FBXL2: variants seen among roughly 807,000 people sequenced by gnomAD.
The protein encoded by FBXL2 is F-box/LRR-repeat protein 2.
A neutral mutation model predicts 69.2 loss-of-function variants in FBXL2; 38 were observed. That is an observed-to-expected ratio of 0.55 (90% CI 0.42 to 0.72). FBXL2 has a LOEUF of 0.72. FBXL2 is among the 30% of genes least tolerant of loss of function. The pLI is 0.00. For missense variants in FBXL2, 354 were observed against 520.3 expected, an observed-to-expected ratio of 0.68 and a Z score of 3.11; for synonymous variants, 192 against 201.3, an observed-to-expected ratio of 0.95 and a Z score of 0.39.
At chr3:33,336,728 A>G (rs1459483362) in intron 2 of FBXL2, among the ~76,000 whole-genome samples, 1 of 151,250 alleles carries the variant, frequency 6.6e-6, no homozygotes, top group Non-Finnish European at 1.5e-5. Context: ...AATATGGTGA[A>G]ACTCCATCTC....
chr3:33,312,122 T>A (rs1475276363), intron 2 of FBXL2, among the ~76,000 whole-genome samples: 1 of 152,070 alleles, frequency 6.6e-6, no homozygotes. Flanking sequence ...AATGGTGCAA[T>A]CATAGCTCAC....
At chr3:33,397,003 G>C (rs772560747) in intron 12 of FBXL2, 4 of 1,551,714 alleles carry the variant, frequency 2.6e-6, no homozygotes, top group Non-Finnish European at 2.7e-6. Flanking sequence ...CGCGAAGAAA[G>C]GTACATTCTT....
chr3:33,400,993 T>C, intron 12 of FBXL2: 1 of 1,593,700 alleles, frequency 6.3e-7, no homozygotes, highest in African/African-American at 1.4e-5. Context: ...TCCATCTCCC[T>C]GATGATTTGG....
rs374772136 is a variant in FBXL2, at chr3:33,312,041, C to T, written c.65+14316C>T. Among the ~76,000 whole-genome samples the T allele has an allele frequency of 2.0e-5, 3 of 152,170 alleles. No homozygotes were observed. In the East Asian group the frequency reaches 5.8e-4, roughly 29 times the overall value. On this transcript the variant is annotated intron_variant, in intron 2 of 14. Coordinates refer to ENST00000484457, the MANE Select transcript of FBXL2 (RefSeq NM_012157.5). ...CAGTGAGCTATGCAATATAGATAGA[C>T]AACTATTTTTTATTCTTTTTTTATT...
the FBXL2 span, chr3:33,411,779 G>T: frequency 9.7e-7 from 1 of 1,029,252 alleles, no homozygotes; most frequent in Non-Finnish European, 1.5e-6. Context: ...TGAAATAACT[G>T]TAACTGCTTT....
intron 1 of FBXL2, among the ~76,000 whole-genome samples, chr3:33,297,248 T>C (rs2125714362): frequency 6.6e-6 from 1 of 152,334 alleles, no homozygotes; most frequent in East Asian, 1.9e-4. Context: ...CTATATTGTA[T>C]ATTTATGTGT....
intron 5 of FBXL2, among the ~76,000 whole-genome samples, chr3:33,366,696 G>A (rs1006368414): frequency 1.3e-5 from 2 of 152,118 alleles, no homozygotes; most frequent in African/African-American, 4.8e-5. Context: ...TGGGTGCGGT[G>A]GCTCATGCCT....
downstream of FBXL2, among the ~76,000 whole-genome samples, chr3:33,406,420 C>T (rs1441157625): frequency 6.6e-6 from 1 of 152,170 alleles, no homozygotes; most frequent in Admixed American, 6.5e-5. Context: ...GATTTTCCTG[C>T]TACAACATCC....
chr3:33,396,402 T>C, intron 12 of FBXL2: 1 of 696,024 alleles, frequency 1.4e-6, no homozygotes, highest in Admixed American at 2.9e-5. Flanking sequence ...TGTTATTTCG[T>C]TATACAAAGT....
the FBXL2 span, among the ~76,000 whole-genome samples, chr3:33,421,200 G>T: frequency 6.6e-6 from 1 of 151,346 alleles, no homozygotes; most frequent in Non-Finnish European, 1.5e-5. Context: ...TCCATTTTGG[G>T]ACTACAGTTT....
intron 12 of FBXL2, chr3:33,396,274 A>G: frequency 1.3e-6 from 2 of 1,576,452 alleles, no homozygotes. Flanking sequence ...AACGGGGTCT[A>G]ACCGACCTGC....
intron 1 of FBXL2, among the ~76,000 whole-genome samples, chr3:33,286,092 C>G (rs567903598): frequency 1.3e-4 from 20 of 152,260 alleles, no homozygotes; most frequent in African/African-American, 4.8e-4. Context: ...GAGCTGTGTT[C>G]CTTTGGAGGA....
At chr3:33,291,517 A>G (rs1034960341) in intron 1 of FBXL2, among the ~76,000 whole-genome samples, 1 of 152,218 alleles carries the variant, frequency 6.6e-6, no homozygotes. Flanking sequence ...TTTTAAAAAT[A>G]TGGACTATTT....
At chr3:33,390,711 A>G (rs555778225), downstream of FBXL2, 1 of 294,588 alleles carries the variant, frequency 3.4e-6, no homozygotes, top group African/African-American at 2.1e-5. Flanking sequence ...GGTGAAATAT[A>G]CTGTGTCAGG....
intron 2 of FBXL2, among the ~76,000 whole-genome samples, chr3:33,333,730 G>T (rs1420848231): frequency 6.6e-6 from 1 of 152,128 alleles, no homozygotes; most frequent in African/African-American, 2.4e-5. Flanking sequence ...CAAATGCAAA[G>T]AGGAATCATT....
intron 1 of FBXL2, among the ~76,000 whole-genome samples, chr3:33,294,948 C>T (rs2035601041): frequency 6.6e-6 from 1 of 151,806 alleles, no homozygotes; most frequent in Non-Finnish European, 1.5e-5. Flanking sequence ...ACTTGGAATA[C>T]AGTAGGCACT....
intron 4 of FBXL2, among the ~76,000 whole-genome samples, chr3:33,362,759 T>C (rs2041714506): frequency 6.6e-6 from 1 of 152,038 alleles, no homozygotes. Flanking sequence ...GAGAAGAGTA[T>C]ATTAGGTGCT....
the FBXL2 span, among the ~76,000 whole-genome samples, chr3:33,411,005 G>A: frequency 6.6e-6 from 1 of 151,500 alleles, no homozygotes; most frequent in Non-Finnish European, 1.5e-5. Flanking sequence ...TCTGGGAGGC[G>A]GAGATTGCAG....
At chr3:33,277,607 G>C in intron 1 of FBXL2, 92 bp downstream of exon 1, 1 of 1,210,362 alleles carries the variant, frequency 8.3e-7, no homozygotes, top group Non-Finnish European at 1.0e-6. Context: ...CGGGCAGGCG[G>C]CGCAGGGGTC....
Sources: allele counts gnomAD v4.1 joint callset (sites outside exome capture counted in the v4.1 genomes callset), GRCh38; gene constraint gnomAD v4.1.1; transcripts MANE v1.5; gene names NCBI Gene and HGNC (gene_info 2026-07-23, HGNC 2026-07-21).